CAST: variants seen among roughly 807,000 people sequenced by gnomAD.
CAST encodes calpastatin, also known as MIR583 host.
CAST carries 76 observed loss-of-function variants against 119.6 expected under a neutral mutation model. The ratio of observed to expected loss-of-function variants is 0.64; its 90% CI spans 0.53 to 0.77. CAST has a LOEUF of 0.77. Ranked by LOEUF, CAST falls within the 30% of genes least tolerant of loss-of-function variation. CAST has a pLI of 0.00. For missense variants in CAST, 953 were observed against 946.5 expected (o/e 1.01, Z -0.09); for synonymous variants, 319 against 331.6 (o/e 0.96, Z 0.41).
chr5:96,135,624 A>G, the CAST span, among the ~76,000 whole-genome samples: 2 of 152,182 alleles, frequency 1.3e-5, no homozygotes, highest in Non-Finnish European at 2.9e-5. Flanking sequence ...CCTGGGAAAG[A>G]GTAGATTCCA....
the CAST span, among the ~76,000 whole-genome samples, chr5:96,303,523 C>A: frequency 1.3e-5 from 2 of 152,064 alleles, no homozygotes; most frequent in Non-Finnish European, 2.9e-5. Flanking sequence ...AGGTTTGTAA[C>A]ATAGGTATAC....
the CAST span, among the ~76,000 whole-genome samples, chr5:96,241,336 G>T: frequency 4.2e-4 from 63 of 151,372 alleles, 1 homozygote; most frequent in African/African-American, 1.5e-3. Flanking sequence ...TCTTGTGATA[G>T]TTTACTGAGA....
the CAST span, among the ~76,000 whole-genome samples, chr5:96,087,928 G>C: frequency 6.6e-6 from 1 of 152,128 alleles, no homozygotes; most frequent in Non-Finnish European, 1.5e-5. Flanking sequence ...ATAATAACAT[G>C]TATCAAGCCA....
chr5:96,674,789 C>A (rs763281059), intron 1 of CAST, among the ~76,000 whole-genome samples: 16 of 152,024 alleles, frequency 1.1e-4, no homozygotes, highest in Non-Finnish European at 1.8e-4. Flanking sequence ...TTATATACTT[C>A]AAAATAACTA....
intron 2 of CAST, among the ~76,000 whole-genome samples, chr5:96,686,601 G>T (rs1219006558): frequency 6.6e-6 from 1 of 152,114 alleles, no homozygotes; most frequent in Non-Finnish European, 1.5e-5. Flanking sequence ...AGCTGTTTTT[G>T]TGGAGTAATA....
the CAST span, among the ~76,000 whole-genome samples, chr5:96,327,700 T>C: frequency 6.6e-6 from 1 of 152,208 alleles, no homozygotes; most frequent in Non-Finnish European, 1.5e-5. Context: ...GTCTTTTAAC[T>C]GTGTTGTGCT....
At chr5:96,045,178 C>A in the CAST span, among the ~76,000 whole-genome samples, 1 of 151,990 alleles carries the variant, frequency 6.6e-6, no homozygotes, top group African/African-American at 2.4e-5. Flanking sequence ...CATGGTGAAA[C>A]CCTGTCTCTA....
intron 1 of CAST, among the ~76,000 whole-genome samples, chr5:96,534,745 GAA>G (rs371033030): frequency 0.28 from 5,918 of 21,082 alleles, 796 homozygotes; most frequent in East Asian, 0.4. Flanking sequence ...GAGAGAGAAA[GAA>G]AGAAAGAAAG....
the CAST span, among the ~76,000 whole-genome samples, chr5:95,972,367 T>G: frequency 6.6e-6 from 1 of 152,168 alleles, no homozygotes; most frequent in Non-Finnish European, 1.5e-5. Context: ...GAATTCAAGT[T>G]TTTCTGTGTA....
chr5:96,768,042 G>A lies in CAST; in HGVS notation c.2268+43G>A, dbSNP rs1770650669. 2.5e-6 allele frequency: 3 copies of A among 1,204,476 alleles called. No homozygotes were observed. Among genetic ancestry groups the A allele is most frequent in the Non-Finnish European group, 3.7e-6 (3 of 806,724 alleles). 74.6% of individuals were successfully genotyped at this position (1,204,476 alleles called of 1,614,324 possible). A position where few individuals can be genotyped will look rare whatever the true frequency, so the allele number is the denominator to read the frequency against. On this transcript the variant is annotated intron_variant, in intron 29 of 31. Coordinates refer to ENST00000675179, the MANE Select transcript of CAST (RefSeq NM_001750.7). ...ATTTCACTCTTTGAAATGTGTGTGT[G>A]TGTATGTGTACATACATATAAGTTT...
At chr5:96,667,729 T>A (rs1370163705) in intron 1 of CAST, among the ~76,000 whole-genome samples, 1 of 11,630 alleles carries the variant, frequency 8.6e-5, no homozygotes, top group Non-Finnish European at 1.5e-4. Context: ...AAGAGTATAA[T>A]GAGGCTGGGT....
chr5:96,092,254 T>C, the CAST span, among the ~76,000 whole-genome samples: 28 of 152,362 alleles, frequency 1.8e-4, no homozygotes, highest in East Asian at 5.4e-3. Flanking sequence ...TTCTGTTTTT[T>C]ATTCTTTCAA....
At chr5:96,383,846 T>C in the CAST span, among the ~76,000 whole-genome samples, 3 of 152,132 alleles carry the variant, frequency 2.0e-5, no homozygotes, top group Admixed American at 6.6e-5. Context: ...TCTGTTGCAA[T>C]AGCAATGTGA....
At chr5:96,685,701 T>C (rs1461611699) in intron 2 of CAST, among the ~76,000 whole-genome samples, 2 of 152,216 alleles carry the variant, frequency 1.3e-5, no homozygotes, top group African/African-American at 2.4e-5. Flanking sequence ...AATGCAGTGA[T>C]TATCAACTCT....
chr5:95,991,901 A>G, the CAST span, among the ~76,000 whole-genome samples: 4 of 152,212 alleles, frequency 2.6e-5, no homozygotes, highest in African/African-American at 7.2e-5. Context: ...TGACTTAATC[A>G]CTACTTATTC....
the CAST span, among the ~76,000 whole-genome samples, chr5:96,493,584 T>C: frequency 1.3e-5 from 2 of 152,180 alleles, no homozygotes; most frequent in East Asian, 3.8e-4. Flanking sequence ...GGGTGTACTG[T>C]GAGACTCCAG....
the CAST span, among the ~76,000 whole-genome samples, chr5:96,307,458 G>T: frequency 6.6e-6 from 1 of 152,160 alleles, no homozygotes; most frequent in Admixed American, 6.5e-5. Context: ...TACATTTAAG[G>T]TTAATATTGT....
chr5:96,278,023 T>G, the CAST span, among the ~76,000 whole-genome samples: 1 of 151,994 alleles, frequency 6.6e-6, no homozygotes, highest in African/African-American at 2.4e-5. Flanking sequence ...GTCTTAATTT[T>G]GAATTAAAAT....
chr5:96,744,163 C>T (rs974031415), intron 16 of CAST, among the ~76,000 whole-genome samples: 4 of 152,258 alleles, frequency 2.6e-5, no homozygotes, highest in East Asian at 1.9e-4. Context: ...ACTTCAGAGT[C>T]GCAGCAAACT....
Sources: allele counts gnomAD v4.1 joint callset (sites outside exome capture counted in the v4.1 genomes callset), GRCh38; gene constraint gnomAD v4.1.1; transcripts MANE v1.5; gene names NCBI Gene and HGNC (gene_info 2026-07-23, HGNC 2026-07-21).